RGS20: variants seen among roughly 807,000 people sequenced by gnomAD.
RGS20 encodes regulator of G protein signaling 20, also known as gz-selective GTPase-activating protein.
A neutral mutation model predicts 33.6 loss-of-function variants in RGS20; 30 were observed. That is an observed-to-expected ratio of 0.89 (90% CI 0.67 to 1.21). The LOEUF (loss-of-function observed/expected upper bound fraction) is 1.21. Ranked by LOEUF, RGS20 falls within the 50% of genes most tolerant of loss-of-function variation. The pLI is 0.00. For missense variants in RGS20, 472 were observed against 502.4 expected, an observed-to-expected ratio of 0.94 and a Z score of 0.58; for synonymous variants, 208 against 197.9, an observed-to-expected ratio of 1.05 and a Z score of -0.43.
At chr8:53,908,253 A>T (rs914082584) in intron 2 of RGS20, among the ~76,000 whole-genome samples, 7 of 152,188 alleles carry the variant, frequency 4.6e-5, no homozygotes, top group African/African-American at 1.2e-4. Flanking sequence ...ATGGAAAGGA[A>T]GTCATGAAAG....
At chr8:53,927,430 C>G (rs563816456) in intron 2 of RGS20, among the ~76,000 whole-genome samples, 3 of 152,230 alleles carry the variant, frequency 2.0e-5, no homozygotes, top group African/African-American at 7.2e-5. Context: ...GTCTCAAACT[C>G]CTGAGCTCAA....
intron 2 of RGS20, among the ~76,000 whole-genome samples, chr8:53,888,524 C>T (rs1409024870): frequency 6.6e-6 from 1 of 152,086 alleles, no homozygotes; most frequent in Admixed American, 6.6e-5. Context: ...TGTCCATTGC[C>T]CTGTAGGATG....
chr8:53,852,596 A>G (rs964610533), intron 1 of RGS20, among the ~76,000 whole-genome samples: 1 of 152,188 alleles, frequency 6.6e-6, no homozygotes, highest in Non-Finnish European at 1.5e-5. Context: ...TTATTTCTCC[A>G]AAAAGTGACA....
Position 53,958,515 on chromosome 8 carries a change from C to A in RGS20, c.*57C>A. 1 of 968,490 alleles carries A rather than the reference C, an allele frequency of 1.0e-6. No homozygotes were observed. Among genetic ancestry groups the A allele is most frequent in the Non-Finnish European group, 1.4e-6 (1 of 720,476 alleles). 60.0% of individuals were successfully genotyped at this position (968,490 alleles called of 1,614,324 possible). On this transcript the variant is annotated 3_prime_UTR_variant, in exon 6 of 6. Transcript: ENST00000297313. ...TAATAAAAGAATTCATGGGCTACAA[C>A]TAGCACAGGGAATTTAGAGGTTGTA...
chr8:53,898,673 A>G (rs936236308), intron 2 of RGS20, among the ~76,000 whole-genome samples: 14 of 152,262 alleles, frequency 9.2e-5, no homozygotes, highest in African/African-American at 3.4e-4. Context: ...TGTGGCATTA[A>G]TTGCACATAT....
intron 2 of RGS20, 83 bp from the exon 1 acceptor site, chr8:53,880,789 C>T (rs1055198641): frequency 1.0e-5 from 13 of 1,246,666 alleles, no homozygotes; most frequent in African/African-American, 3.2e-5. Context: ...GCACCCGCGG[C>T]GGTGGAGTGC....
In RGS20 at chr8:53,954,179, G is replaced by A; in HGVS notation, c.847G>A (p.Glu283Lys). ...TGCATTCCGTGAATTCCTCCGAACA[G>A]AATTCAGTGAGGAAAATATGCTCTT... The change falls in exon 5 of 6, where the codon GAA becomes AAA. Residue 283 changes from glutamate to lysine, a missense_variant. Glu to Lys is a moderately conservative substitution (Grantham distance 56, BLOSUM62 1). Coordinates refer to ENST00000297313, the MANE Select transcript of RGS20 (RefSeq NM_170587.4). The A allele has an allele frequency of 1.2e-6, 2 of 1,614,050 alleles. No individual in the cohort carries two copies. The highest frequency in any genetic ancestry group is 1.7e-6 in the Non-Finnish European group (2 of 1,179,948).
At chr8:53,881,286 C>T (rs1220572842) in intron 2 of RGS20, among the ~76,000 whole-genome samples, 1 of 149,212 alleles carries the variant, frequency 6.7e-6, no homozygotes, top group Non-Finnish European at 1.5e-5. Context: ...GCGAGTGCGT[C>T]CGCGTGCGAA....
intron 1 of RGS20, among the ~76,000 whole-genome samples, chr8:53,857,926 T>A (rs946605476): frequency 6.6e-6 from 1 of 152,184 alleles, no homozygotes; most frequent in South Asian, 2.1e-4. Context: ...AGATGATGGA[T>A]ATGTTAGCTT....
chr8:53,877,439 G>A lies in RGS20; in HGVS notation c.166-1819G>A, dbSNP rs565454029. Among the ~76,000 whole-genome samples the A allele has an allele frequency of 8.7e-4, 132 of 152,324 alleles. No individual in the cohort carries two copies. Among genetic ancestry groups the A allele is most frequent in the African/African-American group, 3.1e-3 (129 of 41,594 alleles). Reference sequence around the variant, plus strand: ...AGGCCGAGCACGCTTGGCGGCAGCTGAGCCTCCACCCCAAGCCCCAGCCGG... The same window carrying A: ...AGGCCGAGCACGCTTGGCGGCAGCTAAGCCTCCACCCCAAGCCCCAGCCGG... On this transcript the variant is annotated intron_variant, in intron 1 of 5. Transcript: ENST00000297313. This position sits in a 1 kb window ranked among gnomAD's most constrained non-coding sequence, Gnocchi z 5.7.
chr8:53,898,058 G>T (rs1273228658), intron 2 of RGS20, among the ~76,000 whole-genome samples: 1 of 152,154 alleles, frequency 6.6e-6, no homozygotes, highest in Non-Finnish European at 1.5e-5. Context: ...TCCTCAGCAG[G>T]GCTGGAATGC....
intron 1 of RGS20, among the ~76,000 whole-genome samples, chr8:53,856,554 T>C (rs1811674116): frequency 1.3e-5 from 2 of 152,182 alleles, no homozygotes; most frequent in Admixed American, 6.6e-5. Flanking sequence ...AGGATTTTTG[T>C]TTCCTTTCAG....
Position 53,853,250 on chromosome 8 carries a change from T to C in RGS20, c.165+1186T>C, listed in dbSNP as rs552187435. On this transcript the variant is annotated intron_variant, in intron 1 of 5. Coordinates refer to ENST00000297313, the MANE Select transcript of RGS20 (RefSeq NM_170587.4). ...TGTATGGTGCATATGTATGCTGTTG[T>C]ATATGTGTGTATGTATATGCACCCA... Among the ~76,000 whole-genome samples, 9 of 152,368 alleles carry C rather than the reference T, an allele frequency of 5.9e-5. No individual in the cohort carries two copies. In the East Asian group the frequency reaches 1.7e-3, roughly 29 times the overall value.
chr8:53,861,291 C>A (rs1480148553), intron 1 of RGS20, among the ~76,000 whole-genome samples: 1 of 152,196 alleles, frequency 6.6e-6, no homozygotes, highest in Non-Finnish European at 1.5e-5. Context: ...GACCCTCAGC[C>A]CCTAGGGGAC....
At chr8:53,958,168 A>G in intron 5 of RGS20, 102 bp from the exon 5 acceptor site, 1 of 898,796 alleles carries the variant, frequency 1.1e-6, no homozygotes, top group Non-Finnish European at 1.6e-6. Flanking sequence ...AACCAAAAAC[A>G]AAAAACAAAA....
intron 1 of RGS20, among the ~76,000 whole-genome samples, chr8:53,867,579 G>A (rs751856740): frequency 2.0e-5 from 3 of 152,152 alleles, no homozygotes; most frequent in African/African-American, 4.8e-5. Flanking sequence ...TGTCAGGGGC[G>A]TCTGTCATTT....
At chr8:53,859,363 T>A (rs540549709) in intron 1 of RGS20, among the ~76,000 whole-genome samples, 1 of 152,286 alleles carries the variant, frequency 6.6e-6, no homozygotes, top group South Asian at 2.1e-4. Flanking sequence ...ACTGCAAAAA[T>A]CCTGGCTAGC....
chr8:53,920,576 G>T (rs1274027087), intron 2 of RGS20, among the ~76,000 whole-genome samples: 1 of 152,124 alleles, frequency 6.6e-6, no homozygotes, highest in East Asian at 1.9e-4. Context: ...AGTATGAATA[G>T]AAGTGGTAAA....
chr8:53,956,076 C>A (rs1012832538), intron 5 of RGS20, among the ~76,000 whole-genome samples: 2 of 151,598 alleles, frequency 1.3e-5, no homozygotes, highest in African/African-American at 4.9e-5. Context: ...AAGGGGTGGG[C>A]GAGAATGAGA....
Sources: gnomAD v4.1 joint callset for allele counts (sites outside exome capture counted in the v4.1 genomes callset) on GRCh38, gnomAD v4.1.1 for gene constraint, Gnocchi (gnomAD v3.1) non-coding constraint, MANE v1.5 for transcripts, NCBI Gene and HGNC (gene_info 2026-07-23, HGNC 2026-07-21) for gene names.